Variants in KLHL29 observed in about 807,000 individuals in gnomAD.
KLHL29 encodes the protein kelch like family member 29.
A neutral mutation model predicts 80.4 loss-of-function variants in KLHL29; 21 were observed. The observed-to-expected ratio is 0.26, with a 90% confidence interval of 0.19 to 0.38. The LOEUF (loss-of-function observed/expected upper bound fraction) is 0.38. KLHL29 is among the 10% of genes least tolerant of loss of function. The pLI is 1.00. For missense variants in KLHL29, 867 were observed against 1,223.9 expected (o/e 0.71, Z 4.35); for synonymous variants, 511 against 526.8 (o/e 0.97, Z 0.41).
chr2:23,532,581 A>G (rs1382398884), intron 2 of KLHL29: 1 of 456,736 alleles, frequency 2.2e-6, no homozygotes, highest in Admixed American at 2.3e-5. Flanking sequence ...TTGAAGCTAA[A>G]ACACTTCCTT....
At chr2:23,450,309 T>C (rs1222650730) in intron 1 of KLHL29, among the ~76,000 whole-genome samples, 1 of 152,166 alleles carries the variant, frequency 6.6e-6, no homozygotes, top group Non-Finnish European at 1.5e-5. Flanking sequence ...CCCTGCTTCA[T>C]GGGATCATGT....
At chr2:23,703,946 C>A in intron 13 of KLHL29, 83 bp downstream of exon 13, 1 of 1,405,838 alleles carries the variant, frequency 7.1e-7, no homozygotes, top group South Asian at 1.4e-5. Flanking sequence ...TTCCTGCCAT[C>A]AGTGACCATA....
intron 2 of KLHL29, among the ~76,000 whole-genome samples, chr2:23,511,118 G>A (rs147302414): frequency 5.3e-4 from 80 of 152,194 alleles, no homozygotes; most frequent in African/African-American, 1.9e-3. Context: ...CCTTCTGAGG[G>A]CCCTCAGACC....
At chr2:23,495,652 C>T (rs753249404) in intron 2 of KLHL29, among the ~76,000 whole-genome samples, 3 of 152,218 alleles carry the variant, frequency 2.0e-5, no homozygotes, top group Non-Finnish European at 4.4e-5. Context: ...ACCGTACCCA[C>T]CTCCACTGTA....
chr2:23,388,410 A>G (rs1385174983), intron 1 of KLHL29, among the ~76,000 whole-genome samples: 1 of 152,236 alleles, frequency 6.6e-6, no homozygotes, highest in East Asian at 1.9e-4. Context: ...TACCAAAGGA[A>G]CCTCTAAATC....
Position 23,647,660 on chromosome 2 carries a change from A to G in KLHL29, c.940+4810A>G, listed in dbSNP as rs1314325026. ...GGTGCTGCCAGAGTGATTTTTCAAA[A>G]TGCAGGTCTGGCCCTGCCACACCCT... On this transcript the variant is annotated intron_variant, in intron 5 of 13. Transcript: ENST00000486442. The surrounding 1 kb of genome is among the most constrained non-coding windows in gnomAD (Gnocchi z 4.9). 6.6e-6 allele frequency among the ~76,000 whole-genome samples: 1 copy of G among 152,058 alleles called. No individual in the cohort carries two copies. Among genetic ancestry groups the G allele is most frequent in the Non-Finnish European group, 1.5e-5 (1 of 68,008 alleles).
At chr2:23,430,768 A>AT (rs1572506562) in intron 1 of KLHL29, among the ~76,000 whole-genome samples, 1 of 151,938 alleles carries the variant, frequency 6.6e-6, no homozygotes, top group South Asian at 2.1e-4. Context: ...CCGGGAACTA[A>AT]TTTTTTCTCT....
chr2:23,701,793 C>CTTTTTTTT lies in KLHL29; in HGVS notation c.2106-1374_2106-1367dup, dbSNP rs70941586. ...GCTTCGCACACATGGCTTTTTTTTG[C>CTTTTTTTT]TTTTTTTTTTTTTTTTTTTTTTTTT... On this transcript the variant is annotated intron_variant, in intron 11 of 13. Transcript: ENST00000486442. Among the ~76,000 whole-genome samples, 3 of 22,542 alleles carry CTTTTTTTT rather than the reference C, an allele frequency of 1.3e-4. 1 individual carries two copies. The highest frequency in any genetic ancestry group is 1.5e-3 in the Admixed American group (2 of 1,376). 14.8% of individuals were successfully genotyped at this position (22,542 alleles called of 152,430 possible). A position where few individuals can be genotyped will look rare whatever the true frequency, so the allele number is the denominator to read the frequency against.
rs546339184 is a variant in KLHL29 at position 23,685,573 on chromosome 2, C to T, written c.1079+1036C>T. 5 of 152,444 alleles carry T rather than the reference C, an allele frequency of 3.3e-5. No individual in the cohort carries two copies. The South Asian group carries it at 6.2e-4, about 19-fold the overall frequency. 9.4% of individuals were successfully genotyped at this position (152,444 alleles called of 1,614,324 possible). A position where few individuals can be genotyped will look rare whatever the true frequency, so the allele number is the denominator to read the frequency against. On this transcript the variant is annotated intron_variant, in intron 6 of 13. Coordinates refer to ENST00000486442, the MANE Select transcript of KLHL29 (RefSeq NM_052920.2). ...CCCTGGCTGGCATCTCCTCTCCGAT[C>T]CGGCCTTTCACATAGAGCCCAGCTG...
chr2:23,615,913 G>A lies in KLHL29; in HGVS notation c.286-23226G>A, dbSNP rs567086095. 1.1e-4 allele frequency among the ~76,000 whole-genome samples: 17 copies of A among 152,298 alleles called. No homozygotes were observed. In the South Asian group the frequency reaches 3.5e-3, roughly 32 times the overall value. On this transcript the variant is annotated intron_variant, in intron 3 of 13. Transcript: ENST00000486442. ...GTCCCCTGTCAGATGAAAGATGGCA[G>A]ATATTCCCTCCCCAGACCCCCTCTG...
At chr2:23,603,912 G>C (rs1668636411) in intron 3 of KLHL29, among the ~76,000 whole-genome samples, 1 of 152,240 alleles carries the variant, frequency 6.6e-6, no homozygotes. Flanking sequence ...CTCCTCCAGA[G>C]GGACTGTGCC....
chr2:23,566,283 C>G (rs770542131), intron 3 of KLHL29, among the ~76,000 whole-genome samples: 11 of 152,248 alleles, frequency 7.2e-5, no homozygotes, highest in Non-Finnish European at 1.3e-4. Flanking sequence ...CTCCCCAGGA[C>G]ACAAGTTCCA....
intron 5 of KLHL29, among the ~76,000 whole-genome samples, chr2:23,660,558 A>G (rs986987619): frequency 6.6e-6 from 1 of 152,222 alleles, no homozygotes; most frequent in African/African-American, 2.4e-5. Flanking sequence ...TGTCCCAACA[A>G]GAGTTGGTTC....
intron 1 of KLHL29, among the ~76,000 whole-genome samples, chr2:23,427,266 A>C (rs1663029548): frequency 6.6e-6 from 1 of 152,188 alleles, no homozygotes; most frequent in South Asian, 2.1e-4. Flanking sequence ...ATTTACACCA[A>C]AATGGAGGTG....
chr2:23,668,319 A>C (rs1262922363), intron 5 of KLHL29: 1 of 152,314 alleles, frequency 6.6e-6, no homozygotes, highest in Non-Finnish European at 1.5e-5. Flanking sequence ...AAGCTATGCC[A>C]GGCACTGGGG....
At chr2:23,619,152 A>T (rs973867731) in intron 3 of KLHL29, among the ~76,000 whole-genome samples, 5 of 151,970 alleles carry the variant, frequency 3.3e-5, no homozygotes, top group Non-Finnish European at 7.4e-5. Context: ...CGTGGTGTCC[A>T]CTCCTTGCTC....
intron 1 of KLHL29, among the ~76,000 whole-genome samples, chr2:23,464,508 G>A (rs902882573): frequency 6.6e-6 from 1 of 152,198 alleles, no homozygotes; most frequent in African/African-American, 2.4e-5. Flanking sequence ...GGAGCAATCT[G>A]TGTTGACTTC....
At chr2:23,632,595 G>C (rs997669347) in intron 3 of KLHL29, among the ~76,000 whole-genome samples, 19 of 152,268 alleles carry the variant, frequency 1.2e-4, no homozygotes, top group African/African-American at 4.3e-4. Context: ...ATTCCCCCCA[G>C]GGCAAGCCAG....
chr2:23,504,839 C>T (rs1243192328), intron 2 of KLHL29, among the ~76,000 whole-genome samples: 1 of 152,210 alleles, frequency 6.6e-6, no homozygotes, highest in Non-Finnish European at 1.5e-5. Flanking sequence ...TGTGGGCCGC[C>T]ATTCTGGCCG....
Sources: gnomAD v4.1 joint callset for allele counts (sites outside exome capture counted in the v4.1 genomes callset) on GRCh38, gnomAD v4.1.1 for gene constraint, Gnocchi (gnomAD v3.1) non-coding constraint, MANE v1.5 for transcripts, NCBI Gene and HGNC (gene_info 2026-07-23, HGNC 2026-07-21) for gene names.